Variants in SLC49A4 observed in about 807,000 individuals in gnomAD.
SLC49A4 encodes disrupted in renal cancer protein 2.
SLC49A4 carries 36 observed loss-of-function variants against 50.6 expected under a neutral mutation model. That is an observed-to-expected ratio of 0.71 (90% confidence interval 0.55 to 0.94). The LOEUF (loss-of-function observed/expected upper bound fraction) is 0.94, where lower values mean the gene tolerates loss of function less well. SLC49A4 is among the 40% of genes least tolerant of loss of function. SLC49A4 has a pLI of 0.00. For missense variants in SLC49A4, 503 were observed against 605.7 expected (o/e 0.83, Z 1.78); for synonymous variants, 248 against 241.2 (o/e 1.03, Z -0.26).
intron 1 of SLC49A4, among the ~76,000 whole-genome samples, chr3:122,796,431 A>G (rs1479558244): frequency 1.3e-5 from 2 of 152,226 alleles, no homozygotes; most frequent in Non-Finnish European, 2.9e-5. Context: ...TGGAGCTGCT[A>G]TAACAAAATA....
At chr3:122,863,455 A>G (rs1422552726) in intron 7 of SLC49A4, among the ~76,000 whole-genome samples, 3 of 152,240 alleles carry the variant, frequency 2.0e-5, no homozygotes, top group Non-Finnish European at 4.4e-5. Context: ...GGTCACTCTT[A>G]TTCAGCACTT....
chr3:122,838,274 A>G (rs938980521), intron 4 of SLC49A4, among the ~76,000 whole-genome samples: 1 of 152,110 alleles, frequency 6.6e-6, no homozygotes, highest in East Asian at 1.9e-4. Context: ...TATGGTGGCA[A>G]TATTCACAAT....
chr3:122,796,815 C>G (rs1053534579), intron 1 of SLC49A4, among the ~76,000 whole-genome samples: 8 of 152,056 alleles, frequency 5.3e-5, no homozygotes, highest in African/African-American at 1.9e-4. Context: ...CTCAGGAGGT[C>G]GAAGCTGGAG....
intron 2 of SLC49A4, among the ~76,000 whole-genome samples, chr3:122,823,253 G>T (rs1338722414): frequency 6.6e-6 from 1 of 152,196 alleles, no homozygotes; most frequent in Non-Finnish European, 1.5e-5. Flanking sequence ...AGGCCTAAGG[G>T]ATAGCTAAGG....
intron 1 of SLC49A4, among the ~76,000 whole-genome samples, chr3:122,800,042 A>C (rs1229958289): frequency 6.6e-6 from 1 of 152,206 alleles, no homozygotes; most frequent in Non-Finnish European, 1.5e-5. Flanking sequence ...TTAAGGGGAG[A>C]GGCCTGTGCA....
At chr3:122,821,686 C>T (rs566955746) in intron 2 of SLC49A4, among the ~76,000 whole-genome samples, 40 of 152,324 alleles carry the variant, frequency 2.6e-4, no homozygotes, top group Non-Finnish European at 5.9e-4. Context: ...AAAACTGCCT[C>T]CTCACACTCC....
At chr3:122,842,174 C>T (rs1459790469) in intron 4 of SLC49A4, among the ~76,000 whole-genome samples, 1 of 151,876 alleles carries the variant, frequency 6.6e-6, no homozygotes, top group African/African-American at 2.4e-5. Flanking sequence ...GATGTTAAGC[C>T]AAGAAGTTAT....
intron 2 of SLC49A4, among the ~76,000 whole-genome samples, chr3:122,814,854 A>G (rs1198918090): frequency 1.3e-5 from 2 of 151,820 alleles, no homozygotes; most frequent in Non-Finnish European, 2.9e-5. Context: ...TGTGTGGCCC[A>G]AGACGGTTCT....
chr3:122,806,561 A>G (rs1936221888), intron 1 of SLC49A4, among the ~76,000 whole-genome samples: 1 of 151,932 alleles, frequency 6.6e-6, no homozygotes. Flanking sequence ...TATTTTTAGT[A>G]GAGACAGTTT....
chr3:122,872,534 G>C lies in SLC49A4; in HGVS notation c.1258G>C (p.Val420Leu). 5 of 1,611,480 alleles carry C rather than the reference G, an allele frequency of 3.1e-6. No individual in the cohort carries two copies. Among genetic ancestry groups the C allele is most frequent in the Non-Finnish European group, 4.2e-6 (5 of 1,177,826 alleles). Residue 420 changes from valine to leucine, a missense_variant, in exon 8 of 9, where the codon GTC becomes CTC. By Grantham distance (32) the Val-to-Leu change is conservative (BLOSUM62 1). Coordinates refer to ENST00000261038, the MANE Select transcript of SLC49A4 (RefSeq NM_032839.3). ...PVPEGITCGVVTFLSNMFMGV... is the reference protein window; with the variant it reads ...PVPEGITCGVLTFLSNMFMGV... ...TCCAGAAGGAATTACTTGTGGAGTT[G>C]TCACTTTTTTAAGTAATATGTTTAT...
At position 122,834,413 on chromosome 3, in the gene SLC49A4, C is replaced by T. The variant is rs548257902; in HGVS notation, c.833+967C>T. ...ACTAGAAATCAACTCCAAAAGGAAC[C>T]CTCAAAACTGTACAAACACACGGAA... On this transcript the variant is annotated intron_variant, in intron 4 of 8. Transcript: ENST00000261038. Among the ~76,000 whole-genome samples the T allele has an allele frequency of 7.9e-5, 12 of 152,152 alleles. No homozygotes were observed. In the South Asian group the frequency reaches 2.5e-3, roughly 32 times the overall value.
intron 2 of SLC49A4, among the ~76,000 whole-genome samples, chr3:122,819,797 A>T (rs570526203): frequency 6.6e-6 from 1 of 152,086 alleles, no homozygotes; most frequent in Non-Finnish European, 1.5e-5. Flanking sequence ...CATTTTCAAC[A>T]TCAAAAAAAT....
chr3:122,869,184 G>GA (rs1216102722), intron 7 of SLC49A4, among the ~76,000 whole-genome samples: 1 of 151,900 alleles, frequency 6.6e-6, no homozygotes, highest in Non-Finnish European at 1.5e-5. Context: ...TCAAGTAGTA[G>GA]AAAAAGAGTA....
rs150687368 is a variant in SLC49A4, at chr3:122,871,410, T to G, written c.1139-1005T>G. ...TATGGTAAACTCTGATAATCTGATA[T>G]GTTCTGTGAGTGTGTGAATAATACA... On this transcript the variant is annotated intron_variant, in intron 7 of 8. Transcript: ENST00000261038. 4.1e-4 allele frequency among the ~76,000 whole-genome samples: 62 copies of G among 152,262 alleles called. No individual in the cohort carries two copies. In the East Asian group the frequency reaches 0.011, roughly 27 times the overall value.
At chr3:122,866,257 G>C (rs1937118805) in intron 7 of SLC49A4, among the ~76,000 whole-genome samples, 1 of 149,080 alleles carries the variant, frequency 6.7e-6, no homozygotes, top group Non-Finnish European at 1.5e-5. Context: ...GTCCAGGCTG[G>C]TCTCGAACTC....
At chr3:122,835,037 C>T (rs751305280) in intron 4 of SLC49A4, among the ~76,000 whole-genome samples, 1 of 151,954 alleles carries the variant, frequency 6.6e-6, no homozygotes, top group African/African-American at 2.4e-5. Context: ...AATAATGAGC[C>T]GTGAGATTGA....
chr3:122,837,971 T>G (rs1401550405), intron 4 of SLC49A4, among the ~76,000 whole-genome samples: 2 of 152,126 alleles, frequency 1.3e-5, no homozygotes, highest in African/African-American at 4.8e-5. Flanking sequence ...TCATCATCAC[T>G]GGCCATCAGA....
At chr3:122,862,477 T>C (rs1021521951) in intron 7 of SLC49A4, among the ~76,000 whole-genome samples, 4 of 152,208 alleles carry the variant, frequency 2.6e-5, no homozygotes, top group Non-Finnish European at 4.4e-5. Flanking sequence ...GCATCCTACA[T>C]TGGAGTTTTG....
At chr3:122,851,680 C>T (rs1011377813) in intron 5 of SLC49A4, among the ~76,000 whole-genome samples, 4 of 151,532 alleles carry the variant, frequency 2.6e-5, no homozygotes, top group African/African-American at 9.7e-5. Flanking sequence ...AGCTTGATGT[C>T]TCTCATTAAT....
Sources: allele counts gnomAD v4.1 joint callset (sites outside exome capture counted in the v4.1 genomes callset), GRCh38; gene constraint gnomAD v4.1.1; transcripts MANE v1.5; gene names NCBI Gene and HGNC (gene_info 2026-07-23, HGNC 2026-07-21).